MYOCD: variants seen among roughly 807,000 people sequenced by gnomAD.
MYOCD encodes the protein myocardin.
In MYOCD, 32 loss-of-function variants were observed where a neutral mutation model predicts 96.1. That is an observed-to-expected ratio of 0.33 (90% CI 0.25 to 0.45). MYOCD has a LOEUF of 0.45. MYOCD is among the 20% of genes least tolerant of loss of function. MYOCD has a pLI of 1.00. For synonymous variants in MYOCD, 469 were observed against 469.0 expected (o/e 1.00, Z 0.00); for missense variants, 1,133 against 1,200.6 (o/e 0.94, Z 0.83).
chr17:12,678,907 C>T (rs12952142), intron 1 of MYOCD, among the ~76,000 whole-genome samples: 20 of 151,932 alleles, frequency 1.3e-4, no homozygotes, highest in Non-Finnish European at 8.8e-5. Context: ...GTGTGTTAGC[C>T]GGGATGGTCT....
At chr17:12,737,705 C>G (rs2032387113) in intron 6 of MYOCD, among the ~76,000 whole-genome samples, 1 of 152,150 alleles carries the variant, frequency 6.6e-6, no homozygotes, top group South Asian at 2.1e-4. Flanking sequence ...CATTTGAAAG[C>G]TGGGTTATTT....
chr17:12,683,300 G>A (rs1361761694), intron 1 of MYOCD, among the ~76,000 whole-genome samples: 5 of 152,154 alleles, frequency 3.3e-5, no homozygotes, highest in African/African-American at 9.7e-5. Context: ...GATGGCAGAG[G>A]AGAAAAGCAT....
intron 5 of MYOCD, among the ~76,000 whole-genome samples, chr17:12,733,958 ATTGCT>A (rs2032260885): frequency 6.6e-6 from 1 of 151,920 alleles, no homozygotes; most frequent in Non-Finnish European, 1.5e-5. Context: ...TGTTTTTGCT[ATTGCT>A]GCCACTGCTA....
At chr17:12,670,112 A>T (rs982602005) in intron 1 of MYOCD, among the ~76,000 whole-genome samples, 5 of 152,144 alleles carry the variant, frequency 3.3e-5, no homozygotes, top group African/African-American at 1.2e-4. Context: ...AGATAAGCTC[A>T]GCAGGCAGGC....
At chr17:12,732,483 C>T (rs1028871309) in intron 5 of MYOCD, among the ~76,000 whole-genome samples, 8 of 152,210 alleles carry the variant, frequency 5.3e-5, no homozygotes, top group Admixed American at 5.2e-4. Flanking sequence ...CTCTCTGTAA[C>T]CACCACCAGC....
chr17:12,756,645 G>A (rs1389920786), intron 11 of MYOCD, 88 bp downstream of exon 11: 41 of 1,205,500 alleles, frequency 3.4e-5, no homozygotes, highest in Middle Eastern at 2.6e-4. Context: ...GCAGTGAGCC[G>A]AGATCGCACC....
At chr17:12,738,739 C>T (rs1567593161) in intron 6 of MYOCD, among the ~76,000 whole-genome samples, 1 of 151,820 alleles carries the variant, frequency 6.6e-6, no homozygotes, top group Non-Finnish European at 1.5e-5. Flanking sequence ...ACTTTCCCCC[C>T]AAATTCCTAC....
intron 5 of MYOCD, among the ~76,000 whole-genome samples, chr17:12,731,745 C>T (rs775615985): frequency 4.6e-5 from 7 of 152,284 alleles, no homozygotes; most frequent in Middle Eastern, 3.4e-3. Context: ...AACTCAAATG[C>T]GTCTGACTCC....
In MYOCD at chr17:12,763,828, C is replaced by T; in HGVS notation, c.*184C>T. 1 of 521,342 alleles carries T rather than the reference C, an allele frequency of 1.9e-6. No homozygotes were observed. The highest frequency in any genetic ancestry group is 3.6e-5 in the South Asian group (1 of 27,436). 32.3% of individuals were successfully genotyped at this position (521,342 alleles called of 1,614,324 possible). ...GAAATACATATACTGTAATATTTAC[C>T]AACAGTCAGTAACTGTTAATGATTT... is the stretch of plus-strand genomic sequence containing the variant. On this transcript the variant is annotated 3_prime_UTR_variant, in exon 14 of 14. Transcript: ENST00000425538.
chr17:12,755,834 T>C (rs978117577), intron 10 of MYOCD, among the ~76,000 whole-genome samples: 1 of 152,128 alleles, frequency 6.6e-6, no homozygotes, highest in Non-Finnish European at 1.5e-5. Flanking sequence ...ATCGCACCAC[T>C]GCACTGCAGC....
At chr17:12,678,560 A>G (rs113101215) in intron 1 of MYOCD, among the ~76,000 whole-genome samples, 2,459 of 152,282 alleles carry the variant, frequency 0.016, 73 homozygotes, top group African/African-American at 0.055. Flanking sequence ...GAGAAAACAA[A>G]GTTTTGAGGA....
intron 1 of MYOCD, among the ~76,000 whole-genome samples, chr17:12,670,384 A>G (rs1466069474): frequency 6.6e-6 from 1 of 152,172 alleles, no homozygotes; most frequent in Non-Finnish European, 1.5e-5. Context: ...CATCCTTCAG[A>G]CAACCTAAAA....
intron 1 of MYOCD, among the ~76,000 whole-genome samples, chr17:12,677,762 G>A (rs1303333643): frequency 1.3e-5 from 2 of 151,514 alleles, no homozygotes; most frequent in Non-Finnish European, 2.9e-5. Context: ...ATATCAATAT[G>A]CTTTGATATG....
chr17:12,734,504 CTTTTTTTTT>C (rs3050319), intron 5 of MYOCD, among the ~76,000 whole-genome samples: 3 of 65,472 alleles, frequency 4.6e-5, no homozygotes, highest in Middle Eastern at 0.014. Context: ...ACACATGATC[CTTTTTTTTT>C]TTTTTTTTTT....
chr17:12,722,491 G>A (rs1414144892), intron 4 of MYOCD, among the ~76,000 whole-genome samples: 1 of 152,192 alleles, frequency 6.6e-6, no homozygotes, highest in Non-Finnish European at 1.5e-5. Context: ...GGCCTAGCCT[G>A]TGCCAGTCAC....
intron 2 of MYOCD, among the ~76,000 whole-genome samples, chr17:12,711,475 T>G (rs746808017): frequency 8.5e-5 from 13 of 152,224 alleles, no homozygotes; most frequent in African/African-American, 1.2e-4. Context: ...CTACATGCAT[T>G]AATTATTAAT....
chr17:12,740,094 C>T (rs981474488), intron 7 of MYOCD, among the ~76,000 whole-genome samples: 1 of 152,116 alleles, frequency 6.6e-6, no homozygotes, highest in Admixed American at 6.6e-5. Context: ...CGCCACCATG[C>T]CCGGCTAATT....
Position 12,753,272 on chromosome 17 carries a change from CCCTCAT to C in MYOCD, c.1989_1994del (p.Ser664_Ser665del). The C allele has an allele frequency of 1.2e-6, 2 of 1,613,934 alleles. No homozygotes were observed. The highest frequency in any genetic ancestry group is 1.7e-6 in the Non-Finnish European group (2 of 1,179,868). ...ATCACCCAACAACCCTCACTTTCTG[CCCTCAT>C]CCTCCGGGGCCCAGGGAGAAGGGCA... On this transcript the variant is annotated inframe_deletion, in exon 10 of 14. Transcript: ENST00000425538.
intron 1 of MYOCD, among the ~76,000 whole-genome samples, chr17:12,669,345 TTCTC>T (rs1156283573): frequency 1.3e-5 from 2 of 152,010 alleles, no homozygotes; most frequent in African/African-American, 2.4e-5. Flanking sequence ...TTTCTTTTGC[TTCTC>T]TCTCTCTCTT....
Sources: gnomAD v4.1 joint callset for allele counts (sites outside exome capture counted in the v4.1 genomes callset) on GRCh38, gnomAD v4.1.1 for gene constraint, MANE v1.5 for transcripts, NCBI Gene and HGNC (gene_info 2026-07-23, HGNC 2026-07-21) for gene names.